Variants in SLC6A3 observed in about 807,000 individuals in gnomAD.
SLC6A3 encodes the protein sodium-dependent dopamine transporter.
SLC6A3 carries 19 observed loss-of-function variants against 70.4 expected under a neutral mutation model. The observed-to-expected ratio is 0.27, with a 90% confidence interval of 0.19 to 0.40. The LOEUF is 0.40. Among genes scored for constraint, SLC6A3 ranks in the 10% least tolerant of loss-of-function variants. The pLI, the probability that SLC6A3 is intolerant of heterozygous loss-of-function variation, is 1.00. For synonymous variants in SLC6A3, 368 were observed against 356.6 expected (o/e 1.03, Z -0.36); for missense variants, 613 against 838.5 (o/e 0.73, Z 3.32).
At chr5:1,419,843 C>T (rs1479066106) in intron 6 of SLC6A3, among the ~76,000 whole-genome samples, 1 of 151,506 alleles carries the variant, frequency 6.6e-6, no homozygotes, top group Non-Finnish European at 1.5e-5. Flanking sequence ...TCCAGGTGCC[C>T]TCTCTCACTG....
Position 1,401,769 on chromosome 5 carries a change from C to T in SLC6A3, c.1768-783G>A, listed in dbSNP as rs1023785816. Among the ~76,000 whole-genome samples, 1 of 152,230 alleles carries T rather than the reference C, an allele frequency of 6.6e-6. No individual in the cohort carries two copies. The highest frequency in any genetic ancestry group is 2.4e-5 in the African/African-American group (1 of 41,460). On this transcript the variant is annotated intron_variant, in intron 13 of 14. Coordinates refer to ENST00000270349, the MANE Select transcript of SLC6A3 (RefSeq NM_001044.5). The surrounding 1 kb of genome is among the most constrained non-coding windows in gnomAD (Gnocchi z 6.1). The stretch of plus-strand genomic sequence containing the variant: ...TCCAGCTCTGCGCTGACCTGGGCCC[C>T]GCCTCCCACGTCCATCCAGCCTCCC...
rs141014683 is a variant in SLC6A3, at chr5:1,437,141, C to T, written c.418+4218G>A. 1.6e-4 allele frequency among the ~76,000 whole-genome samples: 24 copies of T among 152,006 alleles called. No individual in the cohort carries two copies. The East Asian group carries it at 4.3e-3, about 27-fold the overall frequency. Reference sequence around the variant, plus strand: ...TGGCACGCACCTGTAGCCCCAGCTACTCGGGAGGCTGGGGCAGGAGAATCG... The same window carrying T: ...TGGCACGCACCTGTAGCCCCAGCTATTCGGGAGGCTGGGGCAGGAGAATCG... On this transcript the variant is annotated intron_variant, in intron 3 of 14. Coordinates refer to ENST00000270349, the MANE Select transcript of SLC6A3 (RefSeq NM_001044.5). This position sits in a 1 kb window ranked among gnomAD's most constrained non-coding sequence, Gnocchi z 4.8.
chr5:1,393,981 C>T lies in SLC6A3; in HGVS notation c.*754G>A, dbSNP rs1269198676. 2.6e-5 allele frequency: 4 copies of T among 155,470 alleles called. No individual in the cohort carries two copies. The highest frequency in any genetic ancestry group is 9.6e-5 in the African/African-American group (4 of 41,504). 9.6% of individuals were successfully genotyped at this position (155,470 alleles called of 1,614,324 possible). On this transcript the variant is annotated 3_prime_UTR_variant, in exon 15 of 15. Transcript: ENST00000270349. ...TGCATGCGTCCGGGGATAGGACACG[C>T]TCCTCTCAGGCCGTTCCCTACACCG...
chr5:1,417,330 A>G (rs1382160159), intron 6 of SLC6A3, among the ~76,000 whole-genome samples: 4 of 152,130 alleles, frequency 2.6e-5, no homozygotes, highest in Admixed American at 6.5e-5. Flanking sequence ...GATCATCCAC[A>G]TGCTGCATGA....
At chr5:1,412,607 A>T (rs1304446544) in intron 8 of SLC6A3, among the ~76,000 whole-genome samples, 2 of 152,190 alleles carry the variant, frequency 1.3e-5, no homozygotes, top group Non-Finnish European at 2.9e-5. Context: ...GATGACCCCA[A>T]AGTAAAAACC....
Position 1,432,576 on chromosome 5 carries a change from T to C in SLC6A3, c.541A>G (p.Asn181Asp). Residue 181 changes from asparagine to aspartate, a missense_variant, in exon 4 of 15, where the codon AAC (asparagine) becomes GAC (aspartate). By Grantham distance (23) the Asn-to-Asp change is conservative (BLOSUM62 1). Coordinates refer to ENST00000270349, the MANE Select transcript of SLC6A3 (RefSeq NM_001044.5). ...CAGTTGGGGCTGTTCCAGGAGTTGT[T>C]GCAGTGGATCCAGGGGAGCTCCGTG... ...FTTELPWIHC[N>D]NSWNSPNCSD... The C allele has an allele frequency of 6.2e-7, 1 of 1,614,154 alleles. No individual in the cohort carries two copies. The highest frequency in any genetic ancestry group is 8.5e-7 in the Non-Finnish European group (1 of 1,180,010).
rs1038458103 is a variant in SLC6A3 at position 1,401,901 on chromosome 5, G to T, written c.1768-915C>A. 6.6e-6 allele frequency among the ~76,000 whole-genome samples: 1 copy of T among 152,188 alleles called. No individual in the cohort carries two copies. Among genetic ancestry groups the T allele is most frequent in the Non-Finnish European group, 1.5e-5 (1 of 68,024 alleles). ...TCTGAGAGGGACTGTCCACAGCAGG[G>T]TGCCATCAGCTTTCCTGGGGCCATG... On this transcript the variant is annotated intron_variant, in intron 13 of 14. Transcript: ENST00000270349. The surrounding 1 kb of genome is among the most constrained non-coding windows in gnomAD (Gnocchi z 6.1).
intron 3 of SLC6A3, among the ~76,000 whole-genome samples, chr5:1,440,649 A>G (rs1733627072): frequency 6.6e-6 from 1 of 152,248 alleles, no homozygotes; most frequent in Non-Finnish European, 1.5e-5. Flanking sequence ...GGGTGTCCCT[A>G]ATCCAACAGG....
intron 14 of SLC6A3, among the ~76,000 whole-genome samples, chr5:1,400,208 C>G (rs1429564912): frequency 1.3e-5 from 2 of 152,244 alleles, no homozygotes; most frequent in Admixed American, 1.3e-4. Flanking sequence ...CAGGGCACAG[C>G]CCAGGCTCCT....
intron 4 of SLC6A3, 51 bp downstream of exon 4, chr5:1,432,413 G>A (rs372854739): frequency 2.1e-5 from 30 of 1,397,866 alleles, no homozygotes; most frequent in Non-Finnish European, 2.8e-5. Flanking sequence ...CTACCATGGG[G>A]GACCTGGCTG....
rs8179028 is a variant in SLC6A3 at position 1,414,833 on chromosome 5, G to C, written c.1032-18C>G. On this transcript the variant is annotated intron_variant, in intron 7 of 14. Transcript: ENST00000270349. ...TCGCGTCCCTGTAAGAACAAGACAC[G>C]CCGTCTCAGGAACCAGCTGAGCTGC... 6.2e-7 allele frequency: 1 copy of C among 1,612,546 alleles called. No individual in the cohort carries two copies. Among genetic ancestry groups the C allele is most frequent in the East Asian group, 2.2e-5 (1 of 44,882 alleles).
rs191392101 is a variant in SLC6A3, at chr5:1,407,213, G to A, written c.1499-925C>T. Among the ~76,000 whole-genome samples the A allele has an allele frequency of 3.1e-3, 473 of 152,282 alleles. 3 individuals carry two copies. Among genetic ancestry groups the A allele is most frequent in the Middle Eastern group, 0.01 (3 of 294 alleles). On this transcript the variant is annotated intron_variant, in intron 11 of 14. Coordinates refer to ENST00000270349, the MANE Select transcript of SLC6A3 (RefSeq NM_001044.5). ...GGCCTGGTCTGTGACTCGTGTGACC[G>A]CGGCTGATCTGCTGAGATTTGGGGC...
At chr5:1,443,292 C>G (rs1355481526) in intron 1 of SLC6A3, 50 bp from the exon 2 acceptor site, 1 of 1,419,468 alleles carries the variant, frequency 7.0e-7, no homozygotes, top group Non-Finnish European at 9.9e-7. Flanking sequence ...AACAATTCAG[C>G]AGCCAGGGCT....
rs114868233 is a variant in SLC6A3, at chr5:1,425,533, C to T, written c.654-3519G>A. ...ACTTCACATGATATAGAAAAATTAA[C>T]CCAAAATGGATAAAAGAGCCAAATA... On this transcript the variant is annotated intron_variant, in intron 4 of 14. Coordinates refer to ENST00000270349, the MANE Select transcript of SLC6A3 (RefSeq NM_001044.5). Among the ~76,000 whole-genome samples, 983 of 152,166 alleles carry T rather than the reference C, an allele frequency of 6.5e-3. 9 individuals carry two copies. The highest frequency in any genetic ancestry group is 0.022 in the African/African-American group (913 of 41,502).
chr5:1,435,114 C>A (rs192613254), intron 3 of SLC6A3, among the ~76,000 whole-genome samples: 162 of 152,186 alleles, frequency 1.1e-3, no homozygotes, highest in African/African-American at 3.8e-3. Context: ...CAGTCTGTCA[C>A]GGATTGCCTT....
rs397883245 is a variant in SLC6A3 at position 1,421,178 on chromosome 5, G to GTTTT, written c.793-479_793-476dup. On this transcript the variant is annotated intron_variant, in intron 5 of 14. Transcript: ENST00000270349. This position sits in a 1 kb window ranked among gnomAD's most constrained non-coding sequence, Gnocchi z 7.2. ...GGTTTTGGCCCATATAACAACCAAA[G>GTTTT]TTTTTTTTTTTTTTTTGAGATGGAG... Among the ~76,000 whole-genome samples, 1 of 137,988 alleles carries GTTTT rather than the reference G, an allele frequency of 7.2e-6. No individual in the cohort carries two copies. Among genetic ancestry groups the GTTTT allele is most frequent in the South Asian group, 2.4e-4 (1 of 4,132 alleles). The allele number at this position is 137,988 out of a possible 152,430, so 90.5% of individuals were successfully genotyped here. A position where few individuals can be genotyped will look rare whatever the true frequency, so the allele number is the denominator to read the frequency against.
chr5:1,428,805 G>A (rs1446915213), intron 4 of SLC6A3, among the ~76,000 whole-genome samples: 1 of 152,194 alleles, frequency 6.6e-6, no homozygotes, highest in East Asian at 1.9e-4. Flanking sequence ...CTGACTTAGG[G>A]CCCAGAAGAC....
intron 9 of SLC6A3, among the ~76,000 whole-genome samples, chr5:1,410,166 C>T (rs936296934): frequency 5.9e-5 from 9 of 152,204 alleles, no homozygotes; most frequent in East Asian, 1.9e-4. Context: ...TGCTGCTGCA[C>T]GGGCTCAGCT....
Position 1,393,666 on chromosome 5 carries a change from G to A in SLC6A3, c.*1069C>T, listed in dbSNP as rs1484433831. ...CTGGGGTAGTACACGCTCCTGTGGGGGCCCTGCATGCGTCCTGGGGTAGTA... is the reference window on the plus strand; with the variant it reads ...CTGGGGTAGTACACGCTCCTGTGGGAGCCCTGCATGCGTCCTGGGGTAGTA... On this transcript the variant is annotated 3_prime_UTR_variant, in exon 15 of 15. Coordinates refer to ENST00000270349, the MANE Select transcript of SLC6A3 (RefSeq NM_001044.5). 6.7e-6 allele frequency: 1 copy of A among 149,962 alleles called. No homozygotes were observed. The highest frequency in any genetic ancestry group is 1.5e-5 in the Non-Finnish European group (1 of 67,404). 9.3% of individuals were successfully genotyped at this position (149,962 alleles called of 1,614,324 possible). A position where few individuals can be genotyped will look rare whatever the true frequency, so the allele number is the denominator to read the frequency against.
Sources: allele counts gnomAD v4.1 joint callset (sites outside exome capture counted in the v4.1 genomes callset), GRCh38; gene constraint gnomAD v4.1.1; non-coding constraint Gnocchi (gnomAD v3.1); transcripts MANE v1.5; gene names NCBI Gene and HGNC (gene_info 2026-07-23, HGNC 2026-07-21).